Variants in HECW1 observed in about 807,000 individuals in gnomAD.
The protein encoded by HECW1 is HECT, C2 and WW domain containing E3 ubiquitin protein ligase 1.
A neutral mutation model predicts 182.3 loss-of-function variants in HECW1; 61 were observed. The ratio of observed to expected loss-of-function variants is 0.33; its 90% CI spans 0.27 to 0.41. The LOEUF (loss-of-function observed/expected upper bound fraction) is 0.41, where lower values mean the gene tolerates loss of function less well. HECW1 is among the 10% of genes least tolerant of loss of function. The probability of loss-of-function intolerance (pLI) is 1.00; values close to 1 mark genes in which losing one functional copy is unlikely to be tolerated. For missense variants in HECW1, 1,739 were observed against 2,108.9 expected, an observed-to-expected ratio of 0.82 and a Z score of 3.44; for synonymous variants, 859 against 832.6, an observed-to-expected ratio of 1.03 and a Z score of -0.55.
chr7:43,481,629 C>A (rs978701987), intron 17 of HECW1, among the ~76,000 whole-genome samples: 21 of 152,144 alleles, frequency 1.4e-4, no homozygotes, highest in African/African-American at 4.8e-4. Flanking sequence ...AATTTAATAT[C>A]ATTTAAATCA....
chr7:43,113,753 G>A, intron 1 of HECW1: 1 of 224,230 alleles, frequency 4.5e-6, no homozygotes, highest in Non-Finnish European at 8.9e-6. Flanking sequence ...TGACAATGCA[G>A]CAAAATCCGA....
intron 2 of HECW1, among the ~76,000 whole-genome samples, chr7:43,119,677 A>T (rs992553933): frequency 1.4e-5 from 2 of 144,090 alleles, no homozygotes; most frequent in African/African-American, 5.3e-5. Flanking sequence ...TGTGCAAAAT[A>T]CAACCCCCGA....
At chr7:43,425,248 C>A in intron 8 of HECW1, among the ~76,000 whole-genome samples, 1 of 151,474 alleles carries the variant, frequency 6.6e-6, no homozygotes, top group South Asian at 2.1e-4. Flanking sequence ...CACACACACA[C>A]GTGTACATAT....
intron 4 of HECW1, among the ~76,000 whole-genome samples, chr7:43,317,707 T>C (rs1009492347): frequency 1.3e-5 from 2 of 152,198 alleles, no homozygotes; most frequent in Non-Finnish European, 2.9e-5. Flanking sequence ...TTAAGTGTTA[T>C]TGTTAGTGTG....
At chr7:43,477,563 A>G (rs929071906) in intron 16 of HECW1, among the ~76,000 whole-genome samples, 1 of 152,120 alleles carries the variant, frequency 6.6e-6, no homozygotes, top group African/African-American at 2.4e-5. Context: ...TGAGTCCTCT[A>G]CCAATTTTTC....
At chr7:43,184,044 C>T (rs1224684307) in intron 2 of HECW1, among the ~76,000 whole-genome samples, 2 of 151,378 alleles carry the variant, frequency 1.3e-5, no homozygotes, top group Non-Finnish European at 2.9e-5. Context: ...GACAAAGTCT[C>T]GCTCTGTTGC....
At chr7:43,492,258 T>G (rs1006675726) in intron 18 of HECW1, 78 bp downstream of exon 18, 1 of 1,052,468 alleles carries the variant, frequency 9.5e-7, no homozygotes, top group East Asian at 2.4e-5. Flanking sequence ...GTTTTTCTGG[T>G]TTTTGTCATG....
intron 8 of HECW1, among the ~76,000 whole-genome samples, chr7:43,424,200 G>A (rs2076283318): frequency 6.6e-6 from 1 of 152,162 alleles, no homozygotes; most frequent in Non-Finnish European, 1.5e-5. Context: ...CATCAGGCTT[G>A]TCTTGCTGGA....
intron 25 of HECW1, among the ~76,000 whole-genome samples, chr7:43,541,470 G>A (rs1204040891): frequency 6.6e-6 from 1 of 152,000 alleles, no homozygotes; most frequent in African/African-American, 2.4e-5. Context: ...TTGTTGTAAG[G>A]GAAGATTCTA....
chr7:43,156,551 G>T (rs1236212095), intron 2 of HECW1, among the ~76,000 whole-genome samples: 1 of 152,128 alleles, frequency 6.6e-6, no homozygotes, highest in Admixed American at 6.5e-5. Flanking sequence ...TCTATGTTTG[G>T]CTTGATTCGT....
chr7:43,396,749 G>T, intron 6 of HECW1, 65 bp from the exon 7 acceptor site: 2 of 1,043,138 alleles, frequency 1.9e-6, no homozygotes, highest in Non-Finnish European at 3.0e-6. Flanking sequence ...CCATGCTTGT[G>T]TTGAAGTGTG....
chr7:43,394,913 G>A (rs924983478), intron 6 of HECW1, among the ~76,000 whole-genome samples: 2 of 152,176 alleles, frequency 1.3e-5, no homozygotes, highest in Non-Finnish European at 2.9e-5. Context: ...GTGGAGTAGT[G>A]GGTTGGAGGG....
At chr7:43,163,233 G>A (rs562369092) in intron 2 of HECW1, 1 of 152,368 alleles carries the variant, frequency 6.6e-6, no homozygotes, top group South Asian at 2.1e-4. Context: ...GCTATTGGAA[G>A]AAAAGAACGC....
At chr7:43,184,476 A>T (rs976884396) in intron 2 of HECW1, among the ~76,000 whole-genome samples, 1 of 152,190 alleles carries the variant, frequency 6.6e-6, no homozygotes, top group African/African-American at 2.4e-5. Flanking sequence ...AGTTTCTAAA[A>T]TCCTTGGAAT....
intron 6 of HECW1, among the ~76,000 whole-genome samples, chr7:43,374,203 G>A (rs908108017): frequency 2.2e-4 from 33 of 152,110 alleles, no homozygotes; most frequent in African/African-American, 3.9e-4. Context: ...GAAACACTAC[G>A]AAAATTCATA....
At chr7:43,527,855 A>C (rs902066745) in intron 24 of HECW1, among the ~76,000 whole-genome samples, 12 of 152,212 alleles carry the variant, frequency 7.9e-5, no homozygotes, top group African/African-American at 2.9e-4. Context: ...GTATTCTCCC[A>C]AGGTAAACAG....
At chr7:43,349,431 C>G (rs549800869) in intron 5 of HECW1, among the ~76,000 whole-genome samples, 12 of 152,308 alleles carry the variant, frequency 7.9e-5, no homozygotes, top group African/African-American at 2.2e-4. Context: ...TCTTAATGAC[C>G]TGTCTAGTGC....
In HECW1 at chr7:43,558,424, C is replaced by T. The variant is rs899688772; in HGVS notation, c.4710-3391C>T. Among the ~76,000 whole-genome samples, 4 of 152,106 alleles carry T rather than the reference C, an allele frequency of 2.6e-5. No individual in the cohort carries two copies. In the South Asian group the frequency reaches 8.3e-4, roughly 32 times the overall value. Reference sequence around the variant, plus strand: ...CCCAGACCCAGGGTGGAGTTGGAGGCCTGGTTAAGTTAGTAGTTGGTTTAC... The same window carrying T: ...CCCAGACCCAGGGTGGAGTTGGAGGTCTGGTTAAGTTAGTAGTTGGTTTAC... On this transcript the variant is annotated intron_variant, in intron 29 of 29. Transcript: ENST00000395891.
intron 2 of HECW1, among the ~76,000 whole-genome samples, chr7:43,161,335 A>T (rs1482644506): frequency 6.6e-6 from 1 of 152,134 alleles, no homozygotes; most frequent in Non-Finnish European, 1.5e-5. Flanking sequence ...TCAGTCTGAG[A>T]ATGAGAAGAG....
Sources: allele counts gnomAD v4.1 joint callset (sites outside exome capture counted in the v4.1 genomes callset), GRCh38; gene constraint gnomAD v4.1.1; transcripts MANE v1.5; gene names NCBI Gene and HGNC (gene_info 2026-07-23, HGNC 2026-07-21).